The following CENPP variants were observed in gnomAD, a reference collection of about 807,000 sequenced individuals.
The protein encoded by CENPP is centromere protein P.
A neutral mutation model predicts 35.6 loss-of-function variants in CENPP; 24 were observed. That is an observed-to-expected ratio of 0.67 (90% CI 0.49 to 0.95). The LOEUF is 0.95. Among genes scored for constraint, CENPP ranks in the 40% least tolerant of loss-of-function variants. The probability of loss-of-function intolerance (pLI) is 0.00; values close to 1 mark genes in which losing one functional copy is unlikely to be tolerated. For synonymous variants in CENPP, 120 were observed against 125.5 expected (o/e 0.96, Z 0.29); for missense variants, 332 against 345.3 (o/e 0.96, Z 0.31).
Position 92,325,967 on chromosome 9 carries a change from G to C in CENPP, c.-32G>C. Reference sequence around the variant, plus strand: ...GCGCGCAGGTCGGAGTGACAGCTGCGCTGCCGGCCCGGCTGCGGTCAGCAA... The same window carrying C: ...GCGCGCAGGTCGGAGTGACAGCTGCCCTGCCGGCCCGGCTGCGGTCAGCAA... On this transcript the variant is annotated 5_prime_UTR_variant, in exon 1 of 8. Transcript: ENST00000375587. The C allele has an allele frequency of 6.5e-7, 1 of 1,532,396 alleles. No individual in the cohort carries two copies. Among genetic ancestry groups the C allele is most frequent in the East Asian group, 2.5e-5 (1 of 40,696 alleles). The allele number at this position is 1,532,396 out of a possible 1,614,324, so 94.9% of individuals were successfully genotyped here.
At chr9:92,378,095 AG>A (rs1842164037) in intron 4 of CENPP, among the ~76,000 whole-genome samples, 4 of 152,120 alleles carry the variant, frequency 2.6e-5, no homozygotes, top group Admixed American at 2.6e-4. Context: ...GCTTGGTGTC[AG>A]TTGGGGCTAG....
At chr9:92,489,479 A>T (rs1292199099) in intron 5 of CENPP, among the ~76,000 whole-genome samples, 1 of 152,188 alleles carries the variant, frequency 6.6e-6, no homozygotes, top group Admixed American at 6.5e-5. Context: ...CATTTATAGG[A>T]CAGGCTCATT....
At chr9:92,342,500 T>C (rs1251997027) in intron 3 of CENPP, among the ~76,000 whole-genome samples, 1 of 152,262 alleles carries the variant, frequency 6.6e-6, no homozygotes, top group Non-Finnish European at 1.5e-5. Context: ...TGATTGGTTT[T>C]ACTAACAAAG....
In CENPP at chr9:92,515,012, C is replaced by G. The variant is rs1273462426; in HGVS notation, c.565-96302C>G. On this transcript the variant is annotated intron_variant, in intron 5 of 7. Transcript: ENST00000375587. ...GATTCAGGGGTCTCTCTCTTTTGCT[C>G]TGTATCTTCTTCTTTCACTTCTTCA... is the stretch of plus-strand genomic sequence containing the variant. 4 of 1,614,030 alleles carry G rather than the reference C, an allele frequency of 2.5e-6. No individual in the cohort carries two copies. In the African/African-American group the frequency reaches 4.0e-5, roughly 16 times the overall value.
chr9:92,455,873 T>G (rs1438477831), intron 5 of CENPP, among the ~76,000 whole-genome samples: 1 of 152,068 alleles, frequency 6.6e-6, no homozygotes, highest in Non-Finnish European at 1.5e-5. Flanking sequence ...AGTTCGAGAC[T>G]AGCCTGGCCA....
At chr9:92,568,524 A>T (rs1418202727) in intron 5 of CENPP, among the ~76,000 whole-genome samples, 3 of 152,100 alleles carry the variant, frequency 2.0e-5, no homozygotes, top group Admixed American at 2.0e-4. Context: ...TTTGCTATTG[A>T]GAATAGTGCT....
intron 3 of CENPP, among the ~76,000 whole-genome samples, chr9:92,345,032 A>G (rs1216930500): frequency 6.6e-6 from 1 of 151,258 alleles, no homozygotes; most frequent in Non-Finnish European, 1.5e-5. Context: ...CAGGTGGATC[A>G]CGAGGTCAGG....
At chr9:92,515,159 C>T (rs964965019) in intron 5 of CENPP, 1 of 1,608,532 alleles carries the variant, frequency 6.2e-7, no homozygotes, top group African/African-American at 1.3e-5. Flanking sequence ...CCAGAAAATT[C>T]ATTTCTATCA....
chr9:92,582,883 G>A (rs999033705), intron 5 of CENPP, among the ~76,000 whole-genome samples: 22 of 152,082 alleles, frequency 1.4e-4, no homozygotes, highest in African/African-American at 3.9e-4. Flanking sequence ...GTGGCCCACC[G>A]AGTCTTCAGA....
At chr9:92,500,258 C>G (rs1255378541) in intron 5 of CENPP, among the ~76,000 whole-genome samples, 1 of 152,154 alleles carries the variant, frequency 6.6e-6, no homozygotes, top group Non-Finnish European at 1.5e-5. Context: ...TCCCGGCTCA[C>G]TGCAACCTCT....
chr9:92,457,681 A>T (rs1844930047), intron 5 of CENPP, among the ~76,000 whole-genome samples: 1 of 152,182 alleles, frequency 6.6e-6, no homozygotes, highest in Non-Finnish European at 1.5e-5. Flanking sequence ...CATGTGTTGT[A>T]CACAAAAGTG....
chr9:92,353,750 G>A (rs887165294), intron 4 of CENPP, among the ~76,000 whole-genome samples: 2 of 152,118 alleles, frequency 1.3e-5, no homozygotes, highest in African/African-American at 2.4e-5. Context: ...AATGTCGCAG[G>A]AACAGGAAGC....
intron 5 of CENPP, among the ~76,000 whole-genome samples, chr9:92,507,001 G>C (rs959040498): frequency 6.6e-6 from 1 of 152,118 alleles, no homozygotes; most frequent in African/African-American, 2.4e-5. Context: ...TCCGCCTCCC[G>C]GGTTCAAGCA....
chr9:92,575,728 C>A (rs1035197634), intron 5 of CENPP, among the ~76,000 whole-genome samples: 3 of 151,914 alleles, frequency 2.0e-5, no homozygotes, highest in African/African-American at 4.8e-5. Context: ...AGGAGAATTG[C>A]GTGAACCTGG....
chr9:92,505,432 A>G, intron 5 of CENPP: 2 of 1,052,048 alleles, frequency 1.9e-6, no homozygotes, highest in South Asian at 3.3e-5. Flanking sequence ...GCATGAAACT[A>G]GAGTTTAATT....
intron 5 of CENPP, among the ~76,000 whole-genome samples, chr9:92,409,068 A>G (rs897847353): frequency 1.2e-4 from 18 of 152,206 alleles, no homozygotes; most frequent in African/African-American, 4.3e-4. Context: ...ATTGTATTTT[A>G]TTTGTTAATT....
At chr9:92,376,341 C>G (rs1233039239) in intron 4 of CENPP, among the ~76,000 whole-genome samples, 1 of 152,322 alleles carries the variant, frequency 6.6e-6, no homozygotes, top group East Asian at 1.9e-4. Flanking sequence ...TGAAAAACAT[C>G]CCCTGTGTAG....
chr9:92,374,471 T>G (rs756009588), intron 4 of CENPP, among the ~76,000 whole-genome samples: 4 of 152,108 alleles, frequency 2.6e-5, no homozygotes, highest in Admixed American at 6.5e-5. Context: ...CTCCCAATCT[T>G]TAGTTATTTT....
chr9:92,417,331 C>T, intron 5 of CENPP: 2 of 1,614,014 alleles, frequency 1.2e-6, no homozygotes, highest in Non-Finnish European at 1.7e-6. Flanking sequence ...TATCACAGTA[C>T]ATTGATGATG....
Sources: allele counts gnomAD v4.1 joint callset (sites outside exome capture counted in the v4.1 genomes callset), GRCh38; gene constraint gnomAD v4.1.1; transcripts MANE v1.5; gene names NCBI Gene and HGNC (gene_info 2026-07-23, HGNC 2026-07-21).